CTBP1: variants seen among roughly 807,000 people sequenced by gnomAD.
CTBP1 encodes the protein C-terminal binding protein 1, also known as C-terminal-binding protein 1.
In CTBP1, 11 loss-of-function variants were observed where a neutral mutation model predicts 42.1. The observed-to-expected ratio is 0.26, with a 90% CI of 0.16 to 0.43. The LOEUF (loss-of-function observed/expected upper bound fraction) is 0.43, where lower values mean the gene tolerates loss of function less well. CTBP1 is among the 20% of genes least tolerant of loss of function. CTBP1 has a pLI of 1.00. For synonymous variants in CTBP1, 324 were observed against 277.1 expected (o/e 1.17, Z -1.68); for missense variants, 399 against 624.3 (o/e 0.64, Z 3.85).
rs374018693 is a variant in CTBP1 at position 1,233,816 on chromosome 4, G to T, written c.162+4367C>A. ...CGGCGACCTCCAACCAGCTATGCGG[G>T]AAGTTTCTGCCCCAGGAGGCAGAAT... On this transcript the variant is annotated intron_variant, in intron 3 of 9. Coordinates refer to ENST00000382952, the MANE Select transcript of CTBP1 (RefSeq NM_001012614.2). This position sits in a 1 kb window ranked among gnomAD's most constrained non-coding sequence, Gnocchi z 4.6. Among the ~76,000 whole-genome samples the T allele has an allele frequency of 4.0e-4, 61 of 152,364 alleles. 2 individuals are homozygous for T. Among genetic ancestry groups the T allele is most frequent in the African/African-American group, 1.4e-3 (57 of 41,588 alleles).
chr4:1,214,874 G>A (rs1343816740), intron 6 of CTBP1, among the ~76,000 whole-genome samples: 2 of 152,388 alleles, frequency 1.3e-5, no homozygotes, highest in East Asian at 1.9e-4. Flanking sequence ...GCCCAGGGCC[G>A]TCTGTTCTGA....
rs1206373452 is a variant in CTBP1 at position 1,248,878 on chromosome 4, CCGCCCGCGGCCGGAAACGCGCG to C, written c.-189+16_-189+37del. 5 of 963,762 alleles carry C rather than the reference CCGCCCGCGGCCGGAAACGCGCG, an allele frequency of 5.2e-6. No individual in the cohort carries two copies. The highest frequency in any genetic ancestry group is 4.7e-5 in the South Asian group (1 of 21,486). The allele number at this position is 963,762 out of a possible 1,614,324, so 59.7% of individuals were successfully genotyped here. A position where few individuals can be genotyped will look rare whatever the true frequency, so the allele number is the denominator to read the frequency against. ...GCGCGGCACCCGCCCCGCCCCGCCC[CCGCCCGCGGCCGGAAACGCGCG>C]CGCGCGCGGCCTTACCAAGCGGCAG... is the stretch of plus-strand genomic sequence containing the variant. On this transcript the variant is annotated intron_variant, in intron 1 of 9. Transcript: ENST00000382952.
intron 1 of CTBP1, chr4:1,243,121 CTCG>C (rs1425481502): frequency 2.0e-6 from 2 of 985,340 alleles, no homozygotes; most frequent in African/African-American, 1.7e-5. Context: ...CCGGCTGCTG[CTCG>C]TCAAGACCGG....
chr4:1,240,950 C>T (rs2108794300), intron 2 of CTBP1, among the ~76,000 whole-genome samples: 1 of 152,358 alleles, frequency 6.6e-6, no homozygotes, highest in East Asian at 1.9e-4. Flanking sequence ...TCCACAGGGG[C>T]CACGGCCCTG....
In CTBP1 at chr4:1,228,239, A is replaced by G. The variant is rs2108756832; in HGVS notation, c.267T>C (p.Ser89=). 6.2e-7 allele frequency: 1 copy of G among 1,614,180 alleles called. No homozygotes were observed. Among genetic ancestry groups the G allele is most frequent in the Non-Finnish European group, 8.5e-7 (1 of 1,180,022 alleles). Residue 89 remains serine (S), a synonymous_variant, in exon 4 of 10, where the codon AGT becomes AGC. Transcript: ENST00000382952. The part of the protein sequence containing the change: ...KALRIIVRIG[S]GFDNIDIKSA... ...ACTTGATGTCGATGTTGTCAAAACCACTGCCAATCCGGACGATGATGCGGA... is the reference window on the plus strand; with the variant it reads ...ACTTGATGTCGATGTTGTCAAAACCGCTGCCAATCCGGACGATGATGCGGA...
chr4:1,213,408 G>A lies in CTBP1; in HGVS notation c.988+70C>T, dbSNP rs918177719. The A allele has an allele frequency of 4.4e-6, 7 of 1,591,982 alleles. No homozygotes were observed. The East Asian group carries it at 6.7e-5, about 15-fold the overall frequency. On this transcript the variant is annotated intron_variant, in intron 8 of 9. Transcript: ENST00000382952. ...ACATGGGCCTGGCTGCCAGGCGGAT[G>A]CGAGCCCATGAGCATCTGGGGCTGG... is the stretch of plus-strand genomic sequence containing the variant.
chr4:1,229,983 C>A (rs1730788303), intron 3 of CTBP1, among the ~76,000 whole-genome samples: 1 of 152,184 alleles, frequency 6.6e-6, no homozygotes, highest in African/African-American at 2.4e-5. Flanking sequence ...ACCTCGGCTG[C>A]AGGAGGCAGG....
rs1244679413 is a variant in CTBP1 at position 1,238,291 on chromosome 4, C to A, written c.54G>T (p.Leu18=). The change falls in exon 3 of 10, where the codon CTG becomes CTT. Residue 18 remains leucine (L), a synonymous_variant. Transcript: ENST00000382952. This position sits in a 1 kb window ranked among gnomAD's most constrained non-coding sequence, Gnocchi z 5.9. Reference sequence around the variant, plus strand: ...AGTCCCGGCCATCCAGCAATGCCACCAGGGGCCGCGGGTGCAGGGGCCCGT... The same window carrying A: ...AGTCCCGGCCATCCAGCAATGCCACAAGGGGCCGCGGGTGCAGGGGCCCGT... ...IMNGPLHPRP[L]VALLDGRDCT... is the part of the protein sequence containing the mutation. The A allele has an allele frequency of 6.3e-7, 1 of 1,597,388 alleles. No homozygotes were observed. Among genetic ancestry groups the A allele is most frequent in the Non-Finnish European group, 8.6e-7 (1 of 1,168,386 alleles).
intron 1 of CTBP1, chr4:1,241,886 G>A (rs2108796880): frequency 9.4e-7 from 1 of 1,067,664 alleles, no homozygotes; most frequent in Non-Finnish European, 1.1e-6. Flanking sequence ...CTGTGGGCAG[G>A]GAAACTGCGG....
chr4:1,237,324 C>T lies in CTBP1; in HGVS notation c.162+859G>A, dbSNP rs551897203. On this transcript the variant is annotated intron_variant, in intron 3 of 9. Coordinates refer to ENST00000382952, the MANE Select transcript of CTBP1 (RefSeq NM_001012614.2). The stretch of plus-strand genomic sequence containing the variant: ...CCTCCTGATGGGGCTCAGGACAAAC[C>T]GAGTGTCCACCTCCTGATGGGGCTC... 187 of 679,664 alleles carry T rather than the reference C, an allele frequency of 2.8e-4. No homozygotes were observed. In the African/African-American group the frequency reaches 3.0e-3, roughly 11 times the overall value. The allele number at this position is 679,664 out of a possible 1,614,324, so 42.1% of individuals were successfully genotyped here. A position where few individuals can be genotyped will look rare whatever the true frequency, so the allele number is the denominator to read the frequency against.
At chr4:1,221,958 C>A (rs770973979) in intron 5 of CTBP1, 22 of 321,514 alleles carry the variant, frequency 6.8e-5, no homozygotes, top group Non-Finnish European at 1.2e-4. Flanking sequence ...AAGCGGCCGC[C>A]CCCTAGTCTG....
At chr4:1,224,065 C>T (rs1240118669) in intron 5 of CTBP1, among the ~76,000 whole-genome samples, 1 of 135,870 alleles carries the variant, frequency 7.4e-6, no homozygotes, top group Non-Finnish European at 1.6e-5. Context: ...GCCCGAACCC[C>T]GGCCCCAGCA....
intron 1 of CTBP1, chr4:1,243,269 C>T (rs1260600060): frequency 2.7e-5 from 27 of 985,416 alleles, no homozygotes; most frequent in Non-Finnish European, 3.1e-5. Context: ...GAGGAAGAAG[C>T]AGATGTGTGA....
At chr4:1,223,494 G>A (rs1167232694) in intron 5 of CTBP1, 1 of 456,176 alleles carries the variant, frequency 2.2e-6, no homozygotes, top group Non-Finnish European at 4.4e-6. Context: ...AAGGACAGCG[G>A]TCAGCAGGAG....
At chr4:1,214,300 T>C in intron 7 of CTBP1, 43 bp downstream of exon 7, 1 of 1,508,432 alleles carries the variant, frequency 6.6e-7, no homozygotes, top group Non-Finnish European at 8.8e-7. Flanking sequence ...GGCAGGATGG[T>C]GGACAGGGAA....
chr4:1,225,341 G>A lies in CTBP1; in HGVS notation c.514+19C>T, dbSNP rs958271156. On this transcript the variant is annotated intron_variant, in intron 5 of 9. Transcript: ENST00000382952. ...CAGACACAGGGAGGGACACAGGCGT[G>A]GAGCTGCGGCCGACGCACCAAGTCC... 2.0e-6 allele frequency: 3 copies of A among 1,536,274 alleles called. No homozygotes were observed. Among genetic ancestry groups the A allele is most frequent in the Middle Eastern group, 2.1e-4 (1 of 4,724 alleles).
chr4:1,223,610 C>A, intron 5 of CTBP1: 1 of 408,030 alleles, frequency 2.5e-6, no homozygotes, highest in Non-Finnish European at 4.9e-6. Context: ...AACCCGCGAT[C>A]TGGGGAGACA....
intron 2 of CTBP1, among the ~76,000 whole-genome samples, chr4:1,240,786 A>G (rs553515257): frequency 6.6e-6 from 1 of 152,272 alleles, no homozygotes; most frequent in East Asian, 1.9e-4. Context: ...TTCCCCGGAC[A>G]GCCCACCCTT....
At chr4:1,213,835 T>G in intron 7 of CTBP1, 2 of 536,200 alleles carry the variant, frequency 3.7e-6, no homozygotes, top group Non-Finnish European at 6.4e-6. Context: ...GGATTTAATC[T>G]CCAAGTCCCT....
Sources: gnomAD v4.1 joint callset for allele counts (sites outside exome capture counted in the v4.1 genomes callset) on GRCh38, gnomAD v4.1.1 for gene constraint, Gnocchi (gnomAD v3.1) non-coding constraint, MANE v1.5 for transcripts, NCBI Gene and HGNC (gene_info 2026-07-23, HGNC 2026-07-21) for gene names.